OASL: variants seen among roughly 807,000 people sequenced by gnomAD.
OASL encodes the protein 2'-5'-oligoadenylate synthase-like protein.
OASL carries 28 observed loss-of-function variants against 35.3 expected under a neutral mutation model. The observed-to-expected ratio is 0.79, with a 90% CI of 0.59 to 1.09. The LOEUF (loss-of-function observed/expected upper bound fraction) is 1.09, where lower values mean the gene tolerates loss of function less well. Among genes scored for constraint, OASL ranks in the 50% least tolerant of loss-of-function variants. The probability of loss-of-function intolerance (pLI) is 0.00; values close to 1 mark genes in which losing one functional copy is unlikely to be tolerated. For missense variants in OASL, 620 were observed against 635.2 expected, an observed-to-expected ratio of 0.98 and a Z score of 0.26; for synonymous variants, 252 against 254.6, an observed-to-expected ratio of 0.99 and a Z score of 0.10.
chr12:121,020,940 T>C (rs553629643), exon 6 of OASL: 1 of 1,614,110 alleles, frequency 6.2e-7, no homozygotes, highest in South Asian at 1.1e-5. Context: ...CAGGCCAGAG[T>C]AGCCCCTGGT....
chr12:121,025,180 C>T (rs541250963), intron 4 of OASL, among the ~76,000 whole-genome samples: 93 of 151,748 alleles, frequency 6.1e-4, no homozygotes, highest in Middle Eastern at 3.4e-3. Flanking sequence ...GTTTCACCAT[C>T]TTGGCCAGGC....
chr12:121,033,876 C>A lies in OASL; in HGVS notation c.199-133G>T, dbSNP rs575167954. On this transcript the variant is annotated intron_variant, in intron 1 of 5. Transcript: ENST00000257570. ...GATGGGTTGTGGGTAGTACTAATAC[C>A]CACACTTTACAGGTGAGAAAACTGA... 6 of 860,552 alleles carry A rather than the reference C, an allele frequency of 7.0e-6. No individual in the cohort carries two copies. In the African/African-American group the frequency reaches 8.4e-5, roughly 12 times the overall value. The allele number at this position is 860,552 out of a possible 1,614,324, so 53.3% of individuals were successfully genotyped here.
At chr12:121,033,063 TACAGGCGCCC>T (rs1869804104) in intron 2 of OASL, among the ~76,000 whole-genome samples, 1 of 152,000 alleles carries the variant, frequency 6.6e-6, no homozygotes, top group Non-Finnish European at 1.5e-5. Flanking sequence ...TAGCTGGGAT[TACAGGCGCCC>T]ACCACCACAC....
intron 3 of OASL, among the ~76,000 whole-genome samples, chr12:121,028,337 C>T (rs1869578419): frequency 6.6e-6 from 1 of 152,148 alleles, no homozygotes; most frequent in Admixed American, 6.5e-5. Flanking sequence ...CCCTGACTGG[C>T]ACAGTCCTAT....
At chr12:121,022,877 G>A (rs1869304771) in intron 5 of OASL, among the ~76,000 whole-genome samples, 2 of 152,260 alleles carry the variant, frequency 1.3e-5, no homozygotes, top group South Asian at 4.1e-4. Flanking sequence ...TGGTTCTGCT[G>A]CCTCTTAGCA....
chr12:121,019,166 T>G (rs1239320912), exon 6 of OASL: 2 of 152,138 alleles, frequency 1.3e-5, no homozygotes, highest in African/African-American at 2.4e-5. Flanking sequence ...CCACCTACAA[T>G]GTGGGCTGTG....
At chr12:121,034,948 T>C (rs1311942988) in intron 1 of OASL, among the ~76,000 whole-genome samples, 1 of 152,112 alleles carries the variant, frequency 6.6e-6, no homozygotes, top group African/African-American at 2.4e-5. Context: ...TTTGAGATTC[T>C]AGATGAGCTC....
intron 4 of OASL, among the ~76,000 whole-genome samples, chr12:121,024,578 A>T (rs1464424496): frequency 4.0e-5 from 6 of 151,792 alleles, no homozygotes; most frequent in Non-Finnish European, 8.8e-5. Flanking sequence ...AGATCATGCC[A>T]CCACCCTCCA....
exon 6 of OASL, chr12:121,020,848 A>G: frequency 6.2e-7 from 1 of 1,614,178 alleles, no homozygotes; most frequent in East Asian, 2.2e-5. Flanking sequence ...TGAGTGTGGG[A>G]GAAGATCCCA....
In OASL at chr12:121,039,028, C is replaced by T. The variant is rs929687971; in HGVS notation, c.-57G>A. The stretch of plus-strand genomic sequence containing the variant: ...TATATAGCCAGGCTCCTACCCAGCT[C>T]CCTGGCACACACCTCCTTTTTTAAG... On this transcript the variant is annotated 5_prime_UTR_variant, in exon 1 of 6. Coordinates refer to ENST00000257570, the Ensembl canonical transcript of OASL. 3.5e-6 allele frequency: 5 copies of T among 1,431,226 alleles called. No homozygotes were observed. The African/African-American group carries it at 7.0e-5, about 20-fold the overall frequency. The allele number at this position is 1,431,226 out of a possible 1,614,324, so 88.7% of individuals were successfully genotyped here.
At chr12:121,027,440 T>C (rs1283511459) in intron 4 of OASL, 136 bp downstream of exon 4, 1 of 1,298,252 alleles carries the variant, frequency 7.7e-7, no homozygotes, top group South Asian at 1.4e-5. Context: ...GCTGTGTTGG[T>C]GTGGGAGGTC....
At chr12:121,024,208 C>G in intron 4 of OASL, 71 bp from the exon 5 acceptor site, 1 of 1,536,772 alleles carries the variant, frequency 6.5e-7, no homozygotes, top group Non-Finnish European at 8.8e-7. Context: ...AAAACCTTCT[C>G]GGCAATTATT....
chr12:121,023,259 G>C (rs1304589900), intron 5 of OASL, among the ~76,000 whole-genome samples: 1 of 150,382 alleles, frequency 6.6e-6, no homozygotes, highest in East Asian at 1.9e-4. Context: ...TGAGTTCTCT[G>C]AGAGTGAGGG....
intron 3 of OASL, 131 bp from the exon 4 acceptor site, chr12:121,027,948 C>T (rs1592935353): frequency 1.4e-6 from 1 of 715,644 alleles, no homozygotes; most frequent in Non-Finnish European, 2.3e-6. Context: ...TGACCTTGGC[C>T]ATGTCACATT....
At chr12:121,029,458 G>T (rs1869638982) in intron 3 of OASL, among the ~76,000 whole-genome samples, 1 of 152,170 alleles carries the variant, frequency 6.6e-6, no homozygotes, top group East Asian at 1.9e-4. Flanking sequence ...GGAGGCCAAG[G>T]CAGGTGGATC....
intron 4 of OASL, 110 bp from the exon 5 acceptor site, chr12:121,024,247 C>T: frequency 8.3e-7 from 1 of 1,208,670 alleles, no homozygotes; most frequent in Non-Finnish European, 1.2e-6. Flanking sequence ...TTGTGATATC[C>T]ACATCCCGGG....
At chr12:121,032,243 A>G (rs1869767891) in intron 2 of OASL, among the ~76,000 whole-genome samples, 1 of 152,146 alleles carries the variant, frequency 6.6e-6, no homozygotes, top group Non-Finnish European at 1.5e-5. Context: ...AACCAGTTCC[A>G]TGGTACACAT....
At chr12:121,020,895 C>T (rs1869204798) in exon 6 of OASL, 2 of 1,614,040 alleles carry the variant, frequency 1.2e-6, no homozygotes, top group South Asian at 1.1e-5. Context: ...GAGAAGCTGC[C>T]TCTCACTGCC....
intron 4 of OASL, among the ~76,000 whole-genome samples, chr12:121,026,918 T>G (rs896665099): frequency 3.3e-5 from 5 of 150,474 alleles, no homozygotes; most frequent in Admixed American, 3.3e-4. Flanking sequence ...GAGGGAGCTG[T>G]GGTATTTATC....
Sources: allele counts gnomAD v4.1 joint callset (sites outside exome capture counted in the v4.1 genomes callset), GRCh38; gene constraint gnomAD v4.1.1; transcripts MANE v1.5; gene names NCBI Gene and HGNC (gene_info 2026-07-23, HGNC 2026-07-21).